Variants in NRXN1 observed in about 807,000 individuals in gnomAD.
The protein encoded by NRXN1 is neurexin 1.
In NRXN1, 39 loss-of-function variants were observed where a neutral mutation model predicts 150.9. The observed-to-expected ratio is 0.26, with a 90% confidence interval of 0.20 to 0.34. The LOEUF is 0.34. NRXN1 is among the 10% of genes least tolerant of loss of function. The probability of loss-of-function intolerance (pLI) is 1.00; values close to 1 mark genes in which losing one functional copy is unlikely to be tolerated. For missense variants in NRXN1, 1,815 were observed against 1,949.9 expected, an observed-to-expected ratio of 0.93 and a Z score of 1.30; for synonymous variants, 924 against 757.0, an observed-to-expected ratio of 1.22 and a Z score of -3.62.
chr2:50,766,134 T>G (rs952469393), intron 5 of NRXN1, among the ~76,000 whole-genome samples: 1 of 152,004 alleles, frequency 6.6e-6, no homozygotes, highest in South Asian at 2.1e-4. Flanking sequence ...AAAAAATACA[T>G]TGCTTTCACA....
chr2:50,047,295 T>G (rs1691967308), intron 21 of NRXN1, among the ~76,000 whole-genome samples: 1 of 152,040 alleles, frequency 6.6e-6, no homozygotes, highest in African/African-American at 2.4e-5. Context: ...CAAGTTGTAC[T>G]TTTTGAGTTT....
rs1449502606 is a variant in NRXN1 at position 50,794,875 on chromosome 2, A to G, written c.832+126994T>C. 2.0e-5 allele frequency among the ~76,000 whole-genome samples: 3 copies of G among 152,066 alleles called. No individual in the cohort carries two copies. The East Asian group carries it at 5.8e-4, about 29-fold the overall frequency. ...CATAGTCAATATTATGGCTGAAAAC[A>G]TTTTTCAGACTCTTACAGTGAAAAT... On this transcript the variant is annotated intron_variant, in intron 5 of 22. Transcript: ENST00000401669.
chr2:50,789,812 A>G (rs975857792), intron 5 of NRXN1, among the ~76,000 whole-genome samples: 6 of 152,174 alleles, frequency 3.9e-5, no homozygotes, highest in Admixed American at 6.5e-5. Flanking sequence ...TGGAAATCAA[A>G]CATGCAAGAT....
chr2:50,038,281 A>G (rs1261333328), intron 21 of NRXN1, among the ~76,000 whole-genome samples: 1 of 152,186 alleles, frequency 6.6e-6, no homozygotes, highest in Non-Finnish European at 1.5e-5. Context: ...CTTCGCTTGC[A>G]TGTGGGCTAG....
At chr2:50,413,312 G>A (rs1333541286) in intron 17 of NRXN1, among the ~76,000 whole-genome samples, 1 of 151,564 alleles carries the variant, frequency 6.6e-6, no homozygotes, top group African/African-American at 2.4e-5. Flanking sequence ...ACATACAAAT[G>A]GCAAACAGGC....
intron 2 of NRXN1, among the ~76,000 whole-genome samples, chr2:51,001,568 A>C (rs10195460): frequency 6.6e-6 from 1 of 151,706 alleles, no homozygotes; most frequent in South Asian, 2.1e-4. Flanking sequence ...TTAAGCATAC[A>C]TTTTTCCACC....
At chr2:50,552,505 G>A (rs183404041) in intron 9 of NRXN1, 82 bp downstream of exon 9, 11 of 1,018,748 alleles carry the variant, frequency 1.1e-5, no homozygotes, top group East Asian at 9.6e-5. Flanking sequence ...TCTTTAATAT[G>A]TCTTGGTTTT....
At chr2:50,307,506 G>A (rs2074740428) in intron 17 of NRXN1, among the ~76,000 whole-genome samples, 1 of 152,148 alleles carries the variant, frequency 6.6e-6, no homozygotes, top group South Asian at 2.1e-4. Flanking sequence ...TGAGTAGAAT[G>A]CAGAAAGGTT....
At chr2:50,300,861 A>C (rs547374075) in intron 17 of NRXN1, among the ~76,000 whole-genome samples, 7 of 152,032 alleles carry the variant, frequency 4.6e-5, no homozygotes, top group Non-Finnish European at 1.0e-4. Context: ...ACGCCTGGCT[A>C]ATTTTTGTCT....
At chr2:50,965,515 T>A (rs1693919984) in intron 2 of NRXN1, among the ~76,000 whole-genome samples, 1 of 151,576 alleles carries the variant, frequency 6.6e-6, no homozygotes, top group Admixed American at 6.6e-5. Context: ...AACAAAATAA[T>A]GTTATTAAAA....
At chr2:50,024,503 G>A (rs1459106678) in intron 21 of NRXN1, among the ~76,000 whole-genome samples, 1 of 152,274 alleles carries the variant, frequency 6.6e-6, no homozygotes, top group East Asian at 1.9e-4. Flanking sequence ...TTAAAGGGGG[G>A]AAGATTGGGC....
At chr2:51,026,903 C>T (rs1670575890) in intron 2 of NRXN1, among the ~76,000 whole-genome samples, 1 of 152,194 alleles carries the variant, frequency 6.6e-6, no homozygotes, top group Non-Finnish European at 1.5e-5. Flanking sequence ...CCTCTCTTTC[C>T]CTTTTTCCAC....
chr2:50,793,949 G>A (rs776046112), intron 5 of NRXN1, among the ~76,000 whole-genome samples: 3 of 152,020 alleles, frequency 2.0e-5, no homozygotes, highest in Non-Finnish European at 2.9e-5. Flanking sequence ...GGGGACATTT[G>A]ACAATGTTTG....
At chr2:51,012,478 C>T (rs776784030) in intron 2 of NRXN1, among the ~76,000 whole-genome samples, 22 of 152,038 alleles carry the variant, frequency 1.4e-4, no homozygotes, top group Non-Finnish European at 2.6e-4. Flanking sequence ...TTAACAATAT[C>T]ACCAGTAGCA....
chr2:50,719,633 A>G (rs375244039), intron 5 of NRXN1, among the ~76,000 whole-genome samples: 264 of 152,168 alleles, frequency 1.7e-3, no homozygotes, highest in African/African-American at 6.0e-3. Context: ...CCAAGATCAC[A>G]CCATTGCACT....
intron 2 of NRXN1, among the ~76,000 whole-genome samples, chr2:50,969,194 T>C (rs1694605777): frequency 6.6e-6 from 1 of 152,144 alleles, no homozygotes; most frequent in African/African-American, 2.4e-5. Context: ...CTCTTTATAC[T>C]GTTTTTATTT....
intron 22 of NRXN1, among the ~76,000 whole-genome samples, chr2:49,936,764 G>A (rs1380365493): frequency 6.8e-6 from 1 of 147,200 alleles, no homozygotes; most frequent in African/African-American, 2.5e-5. Context: ...GGTCAAAATA[G>A]TTCAATTAAA....
rs114514977 is a variant in NRXN1, at chr2:49,922,799, T to C, written c.4217-548A>G. The stretch of plus-strand genomic sequence containing the variant: ...CTGTCTGCTTTTTAAAGTATAACTT[T>C]AGTTACATTTTTATAAATAAAAATA... On this transcript the variant is annotated intron_variant, in intron 22 of 22. Transcript: ENST00000401669. 3.8e-3 allele frequency among the ~76,000 whole-genome samples: 578 copies of C among 152,352 alleles called. 4 individuals are homozygous for C. The highest frequency in any genetic ancestry group is 0.013 in the African/African-American group (551 of 41,584).
Position 50,942,372 on chromosome 2 carries a change from G to C in NRXN1, c.773-16417C>G, listed in dbSNP as rs72826602. On this transcript the variant is annotated intron_variant, in intron 2 of 22. Coordinates refer to ENST00000401669, the MANE Select transcript of NRXN1 (RefSeq NM_001330078.2). ...GCACTGCCTAGTGGAGTTGTGAGAA[G>C]GCAGCTACTCCAGACCCCAGAATGG... Among the ~76,000 whole-genome samples the C allele has an allele frequency of 8.6e-3, 1,308 of 152,254 alleles. 8 individuals carry two copies. Among genetic ancestry groups the C allele is most frequent in the South Asian group, 0.024 (117 of 4,818 alleles).
Sources: allele counts gnomAD v4.1 joint callset (sites outside exome capture counted in the v4.1 genomes callset), GRCh38; gene constraint gnomAD v4.1.1; transcripts MANE v1.5; gene names NCBI Gene and HGNC (gene_info 2026-07-23, HGNC 2026-07-21).